The following PEX14 variants were observed in gnomAD, a reference collection of about 807,000 sequenced individuals.
The protein encoded by PEX14 is peroxisomal biogenesis factor 14, also known as peroxisomal membrane protein PEX14.
PEX14 carries 15 observed loss-of-function variants against 49.5 expected under a neutral mutation model. That is an observed-to-expected ratio of 0.30 (90% CI 0.20 to 0.47). PEX14 has a LOEUF of 0.47. Ranked by LOEUF, PEX14 falls within the 20% of genes least tolerant of loss-of-function variation. The pLI, the probability that PEX14 is intolerant of heterozygous loss-of-function variation, is 1.00. For missense variants in PEX14, 398 were observed against 494.8 expected (o/e 0.80, Z 1.86); for synonymous variants, 210 against 212.7 (o/e 0.99, Z 0.11).
Position 10,562,324 on chromosome 1 carries a change from A to C in PEX14, c.169+26027A>C, listed in dbSNP as rs148536390. On this transcript the variant is annotated intron_variant, in intron 3 of 8. Coordinates refer to ENST00000356607, the MANE Select transcript of PEX14 (RefSeq NM_004565.3). ...TGATCAGATGTACAGACCATATTCA[A>C]ATTTAGTCAGTTGTCCTAATAATGC... 4.9e-3 allele frequency among the ~76,000 whole-genome samples: 746 copies of C among 152,340 alleles called. 8 individuals carry two copies. Among genetic ancestry groups the C allele is most frequent in the African/African-American group, 0.017 (710 of 41,586 alleles).
intron 2 of PEX14, among the ~76,000 whole-genome samples, chr1:10,503,281 C>CAAAAAAAA (rs59342388): frequency 2.0e-4 from 15 of 75,458 alleles, no homozygotes; most frequent in African/African-American, 8.1e-4. Context: ...GACTCTGTCT[C>CAAAAAAAA]AAAAAAAAAA....
chr1:10,509,921 C>G (rs763163629), intron 2 of PEX14, among the ~76,000 whole-genome samples: 1 of 152,138 alleles, frequency 6.6e-6, no homozygotes, highest in Non-Finnish European at 1.5e-5. Flanking sequence ...ATTACTTACT[C>G]ATTACTAACT....
Position 10,500,373 on chromosome 1 carries a change from CAAAAA to C in PEX14, c.84+5077_84+5081del, listed in dbSNP as rs750781683. 9.6e-3 allele frequency among the ~76,000 whole-genome samples: 419 copies of C among 43,630 alleles called. 3 individuals carry two copies. The highest frequency in any genetic ancestry group is 0.081 in the South Asian group (54 of 668). The allele number at this position is 43,630 out of a possible 152,430, so 28.6% of individuals were successfully genotyped here. A position where few individuals can be genotyped will look rare whatever the true frequency, so the allele number is the denominator to read the frequency against. Reference sequence around the variant, plus strand: ...TGGGCGACAGAGCCAGATTCTGTCTCAAAAAAAAAAAAAAAAAAAAAAAAAAAAAG... The same window carrying C: ...TGGGCGACAGAGCCAGATTCTGTCTCAAAAAAAAAAAAAAAAAAAAAAAAG... On this transcript the variant is annotated intron_variant, in intron 2 of 8. Coordinates refer to ENST00000356607, the MANE Select transcript of PEX14 (RefSeq NM_004565.3).
At chr1:10,624,274 G>T in intron 6 of PEX14, 66 bp from the exon 7 acceptor site, 1 of 1,014,682 alleles carries the variant, frequency 9.9e-7, no homozygotes, top group Non-Finnish European at 1.6e-6. Flanking sequence ...CGAGGTGTGC[G>T]GACCGAGCGA....
chr1:10,582,827 G>A (rs1269390398), intron 3 of PEX14, among the ~76,000 whole-genome samples: 2 of 152,032 alleles, frequency 1.3e-5, no homozygotes, highest in African/African-American at 2.4e-5. Context: ...TCCGCCTCCC[G>A]GATTCAATCA....
At chr1:10,579,126 A>G (rs1208900913) in intron 3 of PEX14, among the ~76,000 whole-genome samples, 3 of 152,172 alleles carry the variant, frequency 2.0e-5, no homozygotes, top group Admixed American at 2.0e-4. Flanking sequence ...AGAAAATTGC[A>G]TCGAGGTGTA....
chr1:10,519,502 G>C (rs1642029939), intron 2 of PEX14, among the ~76,000 whole-genome samples: 1 of 152,160 alleles, frequency 6.6e-6, no homozygotes, highest in South Asian at 2.1e-4. Flanking sequence ...TGGTGCGCTG[G>C]GTTATAATAG....
chr1:10,540,911 G>C (rs1308783888), intron 3 of PEX14, among the ~76,000 whole-genome samples: 1 of 152,178 alleles, frequency 6.6e-6, no homozygotes, highest in African/African-American at 2.4e-5. Flanking sequence ...ATGGATTGTG[G>C]CATCAAGATT....
At chr1:10,500,411 A>AAGAAT (rs1641656058) in intron 2 of PEX14, among the ~76,000 whole-genome samples, 1 of 150,954 alleles carries the variant, frequency 6.6e-6, no homozygotes, top group African/African-American at 2.4e-5. Context: ...AAGAAAAGAA[A>AAGAAT]AGAATAGCTA....
At chr1:10,622,741 G>C (rs1641630761) in intron 5 of PEX14, among the ~76,000 whole-genome samples, 1 of 152,284 alleles carries the variant, frequency 6.6e-6, no homozygotes, top group East Asian at 1.9e-4. Context: ...ACTAAGAAAA[G>C]TAAATAAAGG....
chr1:10,487,203 T>C lies in PEX14; in HGVS notation c.37-8071T>C, dbSNP rs1260336933. Among the ~76,000 whole-genome samples the C allele has an allele frequency of 3.3e-5, 5 of 152,112 alleles. No homozygotes were observed. In the South Asian group the frequency reaches 6.2e-4, roughly 19 times the overall value. On this transcript the variant is annotated intron_variant, in intron 1 of 8. Coordinates refer to ENST00000356607, the MANE Select transcript of PEX14 (RefSeq NM_004565.3). ...TTATATATAGCTGGACTCAATAGTA[T>C]TTCGTTAAGGATTTTAACATTTATG... is the stretch of plus-strand genomic sequence containing the variant.
intron 2 of PEX14, among the ~76,000 whole-genome samples, chr1:10,528,079 G>A (rs1314071949): frequency 6.6e-6 from 1 of 152,244 alleles, no homozygotes; most frequent in Non-Finnish European, 1.5e-5. Flanking sequence ...GAATTCAGGA[G>A]CCCATCTTCT....
chr1:10,543,783 A>G (rs558049686), intron 3 of PEX14, among the ~76,000 whole-genome samples: 3 of 152,186 alleles, frequency 2.0e-5, no homozygotes, highest in South Asian at 4.1e-4. Flanking sequence ...GTTTTTTTGT[A>G]GAGACAGGGT....
At chr1:10,530,078 C>G (rs1244901688) in intron 2 of PEX14, among the ~76,000 whole-genome samples, 1 of 152,126 alleles carries the variant, frequency 6.6e-6, no homozygotes, top group African/African-American at 2.4e-5. Flanking sequence ...GTTGACTTTC[C>G]CTTCTCCTTT....
At chr1:10,625,788 A>T (rs1641728018) in intron 7 of PEX14, among the ~76,000 whole-genome samples, 1 of 152,184 alleles carries the variant, frequency 6.6e-6, no homozygotes. Context: ...TACGCCTGAG[A>T]TTAAGACCAC....
At chr1:10,500,051 C>T (rs1641643720) in intron 2 of PEX14, among the ~76,000 whole-genome samples, 1 of 152,020 alleles carries the variant, frequency 6.6e-6, no homozygotes, top group South Asian at 2.1e-4. Flanking sequence ...AGCCAATTAA[C>T]CAGAGGCTGG....
At position 10,529,928 on chromosome 1, in the gene PEX14, C is replaced by T. The variant is rs1045857369; in HGVS notation, c.85-6285C>T. 4.6e-5 allele frequency among the ~76,000 whole-genome samples: 7 copies of T among 152,150 alleles called. No homozygotes were observed. The highest frequency in any genetic ancestry group is 1.7e-4 in the African/African-American group (7 of 41,426). On this transcript the variant is annotated intron_variant, in intron 2 of 8. Transcript: ENST00000356607. The surrounding 1 kb of genome is among the most constrained non-coding windows in gnomAD (Gnocchi z 4.2). Reference sequence around the variant, plus strand: ...ATGGGAAGGACACAGTGACAAAACCCAGGAAATTCCAAGTCGAAAGAGAGG... The same window carrying T: ...ATGGGAAGGACACAGTGACAAAACCTAGGAAATTCCAAGTCGAAAGAGAGG...
intron 1 of PEX14, among the ~76,000 whole-genome samples, chr1:10,486,341 T>C (rs1296206882): frequency 6.6e-6 from 1 of 151,800 alleles, no homozygotes; most frequent in Non-Finnish European, 1.5e-5. Flanking sequence ...AAATTCAACC[T>C]TCATTTTTAG....
intron 5 of PEX14, among the ~76,000 whole-genome samples, chr1:10,621,342 C>CTTTTTT (rs930417764): frequency 9.3e-6 from 1 of 108,026 alleles, no homozygotes; most frequent in Non-Finnish European, 1.9e-5. Flanking sequence ...TATATGAATT[C>CTTTTTT]TTTTTTTTTT....
Sources: allele counts gnomAD v4.1 joint callset (sites outside exome capture counted in the v4.1 genomes callset), GRCh38; gene constraint gnomAD v4.1.1; non-coding constraint Gnocchi (gnomAD v3.1); transcripts MANE v1.5; gene names NCBI Gene and HGNC (gene_info 2026-07-23, HGNC 2026-07-21).